XIRP2: variants seen among roughly 807,000 people sequenced by gnomAD.
XIRP2 encodes xin actin-binding repeat-containing protein 2.
Under a neutral mutation model 277.0 loss-of-function variants are expected in XIRP2, and 236 were observed. The ratio of observed to expected loss-of-function variants is 0.85; its 90% CI spans 0.77 to 0.95. XIRP2 has a LOEUF of 0.95. Among genes scored for constraint, XIRP2 ranks in the 40% least tolerant of loss-of-function variants. The probability of loss-of-function intolerance (pLI) is 0.00; values close to 1 mark genes in which losing one functional copy is unlikely to be tolerated. For missense variants in XIRP2, 4,640 were observed against 4,157.5 expected (o/e 1.12, Z -3.19); for synonymous variants, 1,490 against 1,416.5 (o/e 1.05, Z -1.17).
chr2:166,936,190 G>T lies in XIRP2; in HGVS notation c.408+32300G>T, dbSNP rs766952094. Among the ~76,000 whole-genome samples, 12 of 152,086 alleles carry T rather than the reference G, an allele frequency of 7.9e-5. 1 individual carries two copies. Among genetic ancestry groups the T allele is most frequent in the South Asian group, 6.2e-4 (3 of 4,808 alleles). On this transcript the variant is annotated intron_variant, in intron 2 of 10. Coordinates refer to ENST00000409195, the MANE Select transcript of XIRP2 (RefSeq NM_152381.6). ...ATGATGAGCATTTTTTCATGTGTCT[G>T]TTGGCTGCATAAATGTCTTCTTTTG...
chr2:167,247,234 G>A lies in XIRP2; in HGVS notation c.5842G>A (p.Asp1948Asn). Residue 1948 changes from aspartate to asparagine, a missense_variant, in exon 9 of 11, where the codon GAT becomes AAT. Coordinates refer to ENST00000409195, the MANE Select transcript of XIRP2 (RefSeq NM_152381.6). ...ACATAAAGAAGGTGTAATAAAAAAA[G>A]ATGCTAAAGCTGTGATGGCAGGATC... is the stretch of plus-strand genomic sequence containing the variant. ...EVHKEGVIKK[D>N]AKAVMAGSSG... 6.2e-7 allele frequency: 1 copy of A among 1,613,636 alleles called. No homozygotes were observed. Among genetic ancestry groups the A allele is most frequent in the East Asian group, 2.2e-5 (1 of 44,834 alleles).
intron 3 of XIRP2, among the ~76,000 whole-genome samples, chr2:167,141,522 G>A (rs927975917): frequency 6.6e-6 from 1 of 152,188 alleles, no homozygotes; most frequent in African/African-American, 2.4e-5. Flanking sequence ...AATGGTGCAT[G>A]ATGGAAATTC....
intron 2 of XIRP2, among the ~76,000 whole-genome samples, chr2:167,130,059 C>T (rs1352508335): frequency 1.3e-5 from 2 of 151,898 alleles, no homozygotes; most frequent in Non-Finnish European, 2.9e-5. Context: ...CTGGAACTGC[C>T]TCTCCATAAT....
chr2:167,251,165 C>A lies in XIRP2; in HGVS notation c.9773C>A (p.Ala3258Asp). ...ASGSFRESVD[A>D]QEEIRKVEKR... ...GGTTCCTTCAGAGAATCTGTGGACG[C>A]TCAAGAGGAAATCAGGAAAGTGGAG... is the stretch of plus-strand genomic sequence containing the variant. The change falls in exon 9 of 11, where the codon GCT becomes GAT. Residue 3258 changes from alanine (A) to aspartate (D), a missense_variant. Ala to Asp is a moderately radical substitution (Grantham distance 126). Transcript: ENST00000409195. 1 of 1,613,406 alleles carries A rather than the reference C, an allele frequency of 6.2e-7. No individual in the cohort carries two copies. Among genetic ancestry groups the A allele is most frequent in the Non-Finnish European group, 8.5e-7 (1 of 1,179,728 alleles).
chr2:166,901,666 C>T (rs1039330601), intron 1 of XIRP2, among the ~76,000 whole-genome samples: 4 of 152,072 alleles, frequency 2.6e-5, no homozygotes, highest in South Asian at 2.1e-4. Flanking sequence ...TCTTTTCTGT[C>T]GTCCACATAT....
At chr2:167,203,750 C>A (rs1291304498) in intron 3 of XIRP2, among the ~76,000 whole-genome samples, 1 of 152,132 alleles carries the variant, frequency 6.6e-6, no homozygotes, top group African/African-American at 2.4e-5. Flanking sequence ...CAGTAGCATT[C>A]TGAATGCTTA....
Position 167,249,277 on chromosome 2 carries a change from C to T in XIRP2, c.7885C>T (p.Leu2629Phe). Residue 2629 changes from leucine to phenylalanine, a missense_variant, in exon 9 of 11, where the codon CTC (leucine) becomes TTC (phenylalanine). Physicochemically the swap from Leu to Phe is conservative, Grantham distance 22. Transcript: ENST00000409195. ...RILGVCSDNQ[L>F]STTSPETVAA... is the part of the protein sequence containing the mutation. Reference sequence around the variant, plus strand: ...ACTAGGAGTGTGTTCTGATAACCAACTCTCCACAACATCGCCAGAAACAGT... The same window carrying T: ...ACTAGGAGTGTGTTCTGATAACCAATTCTCCACAACATCGCCAGAAACAGT... 6.2e-7 allele frequency: 1 copy of T among 1,613,824 alleles called. No homozygotes were observed. The highest frequency in any genetic ancestry group is 8.5e-7 in the Non-Finnish European group (1 of 1,179,828).
chr2:166,967,318 C>T (rs1268070241), intron 2 of XIRP2, among the ~76,000 whole-genome samples: 1 of 151,850 alleles, frequency 6.6e-6, no homozygotes, highest in Admixed American at 6.6e-5. Flanking sequence ...AAGTCTTCTC[C>T]TTCTCAAGCT....
intron 4 of XIRP2, among the ~76,000 whole-genome samples, chr2:167,211,781 A>G (rs1466361261): frequency 6.6e-6 from 1 of 152,204 alleles, no homozygotes; most frequent in African/African-American, 2.4e-5. Context: ...TGCTAAACCA[A>G]TTATGATTAT....
intron 1 of XIRP2, among the ~76,000 whole-genome samples, chr2:166,892,837 A>ATATGT (rs946325256): frequency 6.8e-6 from 1 of 148,010 alleles, no homozygotes; most frequent in African/African-American, 2.5e-5. Context: ...AACTTCTATG[A>ATATGT]TATGTTATAA....
intron 2 of XIRP2, among the ~76,000 whole-genome samples, chr2:167,077,745 T>A (rs898166003): frequency 6.6e-6 from 1 of 152,146 alleles, no homozygotes; most frequent in African/African-American, 2.4e-5. Flanking sequence ...AAAAGACCTA[T>A]GGGCCATGTT....
At chr2:167,108,583 GT>G (rs1204818214) in intron 2 of XIRP2, among the ~76,000 whole-genome samples, 1 of 151,934 alleles carries the variant, frequency 6.6e-6, no homozygotes, top group Non-Finnish European at 1.5e-5. Context: ...ATTTTTGGAT[GT>G]TTATTAATAG....
chr2:167,239,011 A>C (rs2105427533), intron 5 of XIRP2, among the ~76,000 whole-genome samples: 1 of 152,302 alleles, frequency 6.6e-6, no homozygotes, highest in African/African-American at 2.4e-5. Flanking sequence ...ACTTAACCAA[A>C]ATTAAGAGTA....
intron 2 of XIRP2, among the ~76,000 whole-genome samples, chr2:166,997,718 A>T (rs1445901111): frequency 1.3e-5 from 2 of 152,076 alleles, no homozygotes; most frequent in South Asian, 2.1e-4. Flanking sequence ...CATCCTGGCC[A>T]ACATGGTGAA....
chr2:167,018,633 A>C (rs544122937), intron 2 of XIRP2, among the ~76,000 whole-genome samples: 1 of 152,044 alleles, frequency 6.6e-6, no homozygotes, highest in East Asian at 2.0e-4. Flanking sequence ...CCCCCAGGGC[A>C]TTTTACTCAT....
At chr2:167,034,294 G>C (rs1688448243) in intron 2 of XIRP2, among the ~76,000 whole-genome samples, 1 of 151,860 alleles carries the variant, frequency 6.6e-6, no homozygotes, top group African/African-American at 2.4e-5. Context: ...ACTTACAACG[G>C]ATACACAAAA....
At chr2:166,953,874 CT>C (rs1351804393) in intron 2 of XIRP2, among the ~76,000 whole-genome samples, 1 of 151,826 alleles carries the variant, frequency 6.6e-6, no homozygotes, top group Non-Finnish European at 1.5e-5. Flanking sequence ...CATTGCCTCC[CT>C]TATACAGTCT....
chr2:166,914,687 T>C (rs185317990), intron 2 of XIRP2, among the ~76,000 whole-genome samples: 87 of 152,294 alleles, frequency 5.7e-4, no homozygotes, highest in Middle Eastern at 3.4e-3. Context: ...CAATTTGCTA[T>C]GGAAGCAATA....
chr2:166,974,125 A>T (rs1336815981), intron 2 of XIRP2, among the ~76,000 whole-genome samples: 1 of 152,126 alleles, frequency 6.6e-6, no homozygotes, highest in African/African-American at 2.4e-5. Flanking sequence ...ACATGTGCTG[A>T]TTGCGATCTG....
Sources: allele counts gnomAD v4.1 joint callset (sites outside exome capture counted in the v4.1 genomes callset), GRCh38; gene constraint gnomAD v4.1.1; transcripts MANE v1.5; gene names NCBI Gene and HGNC (gene_info 2026-07-23, HGNC 2026-07-21).